ZNF354C: variants seen among roughly 807,000 people sequenced by gnomAD.
ZNF354C encodes the protein zinc finger protein 354C.
A neutral mutation model predicts 12.4 loss-of-function variants in ZNF354C; 7 were observed. The ratio of observed to expected loss-of-function variants is 0.56; its 90% CI spans 0.32 to 1.06. The LOEUF is 1.06. ZNF354C is among the 50% of genes least tolerant of loss of function. ZNF354C has a pLI of 0.04. For synonymous variants in ZNF354C, 202 were observed against 224.5 expected (o/e 0.90, Z 0.90); for missense variants, 609 against 658.0 (o/e 0.93, Z 0.81).
intron 3 of ZNF354C, 151 bp from the exon 4 acceptor site, chr5:179,076,920 G>C (rs542282344): frequency 6.4e-5 from 45 of 701,324 alleles, no homozygotes; most frequent in Non-Finnish European, 1.1e-4. Context: ...GCCATTGACA[G>C]CTCCAGTGCC....
chr5:179,076,646 G>A, intron 3 of ZNF354C, 75 bp downstream of exon 3: 2 of 1,573,964 alleles, frequency 1.3e-6, no homozygotes, highest in South Asian at 1.2e-5. Flanking sequence ...TTCCGAGCCT[G>A]TGGTCTTGTA....
chr5:179,071,284 A>T, intron 2 of ZNF354C, among the ~76,000 whole-genome samples: 1 of 151,578 alleles, frequency 6.6e-6, no homozygotes, highest in Middle Eastern at 3.4e-3. Context: ...GGATGAGATG[A>T]TTGATAAGAT....
chr5:179,078,267 G>A (rs538060596), intron 4 of ZNF354C, among the ~76,000 whole-genome samples: 45 of 152,230 alleles, frequency 3.0e-4, no homozygotes, highest in Non-Finnish European at 5.6e-4. Flanking sequence ...GGACATGTGA[G>A]TAAGAAGGAG....
chr5:179,083,202 T>G lies in ZNF354C; in HGVS notation c.*3105T>G, dbSNP rs1417590204. 3.1e-6 allele frequency: 1 copy of G among 322,022 alleles called. No individual in the cohort carries two copies. Among genetic ancestry groups the G allele is most frequent in the Admixed American group, 5.2e-5 (1 of 19,402 alleles). 19.9% of individuals were successfully genotyped at this position (322,022 alleles called of 1,614,324 possible). A position where few individuals can be genotyped will look rare whatever the true frequency, so the allele number is the denominator to read the frequency against. On this transcript the variant is annotated 3_prime_UTR_variant, in exon 5 of 5. Coordinates refer to ENST00000315475, the MANE Select transcript of ZNF354C (RefSeq NM_014594.3). ...GTGTGATCCTTTATTAGCTTCTGAT[T>G]CATAAAAAAACCTATAAGAGACATT...
In ZNF354C at chr5:179,079,065, A is replaced by G. The variant is rs745685369; in HGVS notation, c.633A>G (p.Pro211=). The change falls in exon 5 of 5, where the codon CCA becomes CCG. Residue 211 remains proline, a synonymous_variant. Transcript: ENST00000315475. This position sits in a 1 kb window ranked among gnomAD's most constrained non-coding sequence, Gnocchi z 4.2. ...TCATGAAATGCTTCCAGATTTACCC[A>G]GGAGGAAAACCTCACATCTGTAATG... is the stretch of plus-strand genomic sequence containing the variant. ...FDLMKCFQIY[P]GGKPHICNEC... 93 of 1,613,604 alleles carry G rather than the reference A, an allele frequency of 5.8e-5. No individual in the cohort carries two copies. In the Middle Eastern group the frequency reaches 6.6e-4, roughly 11 times the overall value.
intron 2 of ZNF354C, among the ~76,000 whole-genome samples, chr5:179,066,356 A>G (rs1375530760): frequency 6.6e-6 from 1 of 152,234 alleles, no homozygotes; most frequent in Non-Finnish European, 1.5e-5. Flanking sequence ...ACCACCCAAT[A>G]CACTGTTACT....
chr5:179,069,631 C>T (rs535354054), intron 2 of ZNF354C, among the ~76,000 whole-genome samples: 28 of 150,394 alleles, frequency 1.9e-4, no homozygotes, highest in Non-Finnish European at 3.7e-4. Context: ...TTTGGGAGGC[C>T]GAGGCGGGTG....
At chr5:179,075,185 G>A (rs1373141323) in intron 2 of ZNF354C, among the ~76,000 whole-genome samples, 3 of 152,040 alleles carry the variant, frequency 2.0e-5, no homozygotes, top group Admixed American at 1.3e-4. Flanking sequence ...TGTGAACCCG[G>A]GAGGCAGAGC....
At chr5:179,074,866 A>G (rs1325407839) in intron 2 of ZNF354C, among the ~76,000 whole-genome samples, 1 of 152,212 alleles carries the variant, frequency 6.6e-6, no homozygotes, top group Non-Finnish European at 1.5e-5. Flanking sequence ...GAAACGATAT[A>G]TTAGCTCTAA....
In ZNF354C at chr5:179,080,075, G is replaced by A; in HGVS notation, c.1643G>A (p.Gly548Glu). 1 of 1,584,636 alleles carries A rather than the reference G, an allele frequency of 6.3e-7. No individual in the cohort carries two copies. Among genetic ancestry groups the A allele is most frequent in the Non-Finnish European group, 8.5e-7 (1 of 1,169,704 alleles). ...SLTQYQRFFK[G>E]DKAYEV ...ACCCAGTATCAGAGATTTTTTAAAG[G>A]AGATAAAGCCTATGAGGTTTAGTTC... The change falls in exon 5 of 5, where the codon GGA becomes GAA. Residue 548 changes from glycine to glutamate, a missense_variant. Physicochemically the swap from Gly to Glu is moderately conservative, Grantham distance 98 (BLOSUM62 -2). Transcript: ENST00000315475.
chr5:179,079,447 T>C lies in ZNF354C; in HGVS notation c.1015T>C (p.Cys339Arg). The change falls in exon 5 of 5, where the codon TGT becomes CGT. Residue 339 changes from cysteine to arginine, a missense_variant. By Grantham distance (180) the Cys-to-Arg change is radical. Transcript: ENST00000315475. The surrounding 1 kb of genome is among the most constrained non-coding windows in gnomAD (Gnocchi z 4.2). ...KCGECEKAFN[C>R]RAKLHRHQRI... ...CGGCGAATGTGAGAAGGCCTTCAAC[T>C]GTAGAGCAAAACTTCACAGGCATCA... 1 of 1,613,696 alleles carries C rather than the reference T, an allele frequency of 6.2e-7. No homozygotes were observed. The highest frequency in any genetic ancestry group is 8.5e-7 in the Non-Finnish European group (1 of 1,179,914).
intron 2 of ZNF354C, among the ~76,000 whole-genome samples, chr5:179,072,220 G>T (rs775586199): frequency 6.6e-6 from 1 of 151,570 alleles, no homozygotes; most frequent in African/African-American, 2.4e-5. Flanking sequence ...TGCAAGCAGA[G>T]AAATAGAGAT....
intron 2 of ZNF354C, among the ~76,000 whole-genome samples, chr5:179,071,834 AC>A (rs1762057014): frequency 1.3e-5 from 2 of 152,204 alleles, no homozygotes; most frequent in Non-Finnish European, 2.9e-5. Flanking sequence ...CCTGAACCAT[AC>A]ATGCACAGGA....
rs2113132899 is a variant in ZNF354C at position 179,083,519 on chromosome 5, A to G, written c.*3422A>G. 9.1e-6 allele frequency: 1 copy of G among 110,230 alleles called. No individual in the cohort carries two copies. The highest frequency in any genetic ancestry group is 3.6e-5 in the African/African-American group (1 of 27,738). 6.8% of individuals were successfully genotyped at this position (110,230 alleles called of 1,614,324 possible). A position where few individuals can be genotyped will look rare whatever the true frequency, so the allele number is the denominator to read the frequency against. ...GTGTCAATTTTTAATAAAAATGCAA[A>G]AAGTGATTGGATAAAGAAGTGATGA... On this transcript the variant is annotated 3_prime_UTR_variant, in exon 5 of 5. Coordinates refer to ENST00000315475, the MANE Select transcript of ZNF354C (RefSeq NM_014594.3).
rs150370351 is a variant in ZNF354C, at chr5:179,082,815, C to T, written c.*2718C>T. ...GATGTTCTTCAAGCGACTGACCAAC[C>T]GATCAGGTCGAGGAGCTGCAACAGC... is the stretch of plus-strand genomic sequence containing the variant. On this transcript the variant is annotated 3_prime_UTR_variant, in exon 5 of 5. Coordinates refer to ENST00000315475, the MANE Select transcript of ZNF354C (RefSeq NM_014594.3). 1,180 of 1,320,730 alleles carry T rather than the reference C, an allele frequency of 8.9e-4. 4 individuals are homozygous for T. The East Asian group carries it at 0.015, about 17-fold the overall frequency. 81.8% of individuals were successfully genotyped at this position (1,320,730 alleles called of 1,614,324 possible).
At position 179,078,735 on chromosome 5, in the gene ZNF354C, T is replaced by G; in HGVS notation, c.303T>G (p.Phe101Leu). ...CATTGCCTCATAGACAGGACATTTT[T>G]ATAGAAGAAACATCTCAGGGAATGG... ...TEALPHRQDI[F>L]IEETSQGMVK... The change falls in exon 5 of 5, where the codon TTT becomes TTG. Residue 101 changes from phenylalanine to leucine, a missense_variant. By Grantham distance (22) the Phe-to-Leu change is conservative (BLOSUM62 0). Transcript: ENST00000315475. The G allele has an allele frequency of 6.2e-7, 1 of 1,612,132 alleles. No individual in the cohort carries two copies. Among genetic ancestry groups the G allele is most frequent in the Non-Finnish European group, 8.5e-7 (1 of 1,179,544 alleles).
chr5:179,076,542 T>A lies in ZNF354C; in HGVS notation c.125T>A (p.Leu42Gln). Reference protein sequence around the residue: ...AQRALYREVMLENYSSLVSLG... With the variant: ...AQRALYREVMQENYSSLVSLG... The stretch of plus-strand genomic sequence containing the variant: ...AGGGCCTTGTACCGGGAGGTGATGC[T>A]GGAGAACTACAGCAGCCTGGTCTCA... Residue 42 changes from leucine (L) to glutamine (Q), a missense_variant, in exon 3 of 5, where the codon CTG becomes CAG. By Grantham distance (113) the Leu-to-Gln change is moderately radical. Coordinates refer to ENST00000315475, the MANE Select transcript of ZNF354C (RefSeq NM_014594.3). 6.2e-7 allele frequency: 1 copy of A among 1,614,162 alleles called. No homozygotes were observed. The highest frequency in any genetic ancestry group is 8.5e-7 in the Non-Finnish European group (1 of 1,180,028).
intron 3 of ZNF354C, among the ~76,000 whole-genome samples, chr5:179,076,796 T>G (rs1250772361): frequency 6.6e-6 from 1 of 152,012 alleles, no homozygotes; most frequent in East Asian, 1.9e-4. Flanking sequence ...CTCCTTGGAG[T>G]AGGCCAATGA....
intron 4 of ZNF354C, among the ~76,000 whole-genome samples, chr5:179,077,838 C>A (rs943598523): frequency 4.7e-5 from 6 of 127,012 alleles, no homozygotes; most frequent in Non-Finnish European, 7.9e-5. Flanking sequence ...TGAGATGAGT[C>A]TCTGTCACCC....
Sources: gnomAD v4.1 joint callset for allele counts (sites outside exome capture counted in the v4.1 genomes callset) on GRCh38, gnomAD v4.1.1 for gene constraint, Gnocchi (gnomAD v3.1) non-coding constraint, MANE v1.5 for transcripts, NCBI Gene and HGNC (gene_info 2026-07-23, HGNC 2026-07-21) for gene names.